The following FBXO39 variants were observed in gnomAD, a reference collection of about 807,000 sequenced individuals.
FBXO39 encodes the protein F-box protein 39, also known as F-box only protein 39.
In FBXO39, 22 loss-of-function variants were observed where a neutral mutation model predicts 36.6. The ratio of observed to expected loss-of-function variants is 0.60; its 90% CI spans 0.43 to 0.86. The LOEUF is 0.86. Among genes scored for constraint, FBXO39 ranks in the 40% least tolerant of loss-of-function variants. The probability of loss-of-function intolerance (pLI) is 0.00; values close to 1 mark genes in which losing one functional copy is unlikely to be tolerated. For missense variants in FBXO39, 536 were observed against 543.9 expected (o/e 0.99, Z 0.14); for synonymous variants, 206 against 205.8 (o/e 1.00, Z -0.01).
chr17:6,779,160 G>A (rs1010188279), intron 1 of FBXO39, among the ~76,000 whole-genome samples: 2 of 152,104 alleles, frequency 1.3e-5, no homozygotes, highest in Admixed American at 6.5e-5. Context: ...TTGGGGAAAG[G>A]GGAAGTGGGA....
chr17:6,776,885 A>G (rs1012960029), intron 1 of FBXO39, among the ~76,000 whole-genome samples: 1 of 151,836 alleles, frequency 6.6e-6, no homozygotes, highest in Non-Finnish European at 1.5e-5. Context: ...CATAGCTAGG[A>G]TGCAGCCCAC....
chr17:6,780,874 T>A lies in FBXO39; in HGVS notation c.1006T>A (p.Phe336Ile). The A allele has an allele frequency of 6.2e-7, 1 of 1,612,096 alleles. No individual in the cohort carries two copies. The highest frequency in any genetic ancestry group is 1.1e-5 in the South Asian group (1 of 91,030). ...RPTLIDLLPT[F>I]RHTLQKLTCE... ...CACTCTGATAGATCTCCTGCCCACC[T>A]TCCGGCACACTCTGCAGGTAGGTAG... is the stretch of plus-strand genomic sequence containing the variant. The change falls in exon 2 of 4, where the codon TTC (phenylalanine) becomes ATC (isoleucine). Residue 336 changes from phenylalanine (F) to isoleucine (I), a missense_variant. By Grantham distance (21) the Phe-to-Ile change is conservative (BLOSUM62 0). Transcript: ENST00000321535.
chr17:6,786,970 A>G lies in FBXO39; in HGVS notation c.1200+14A>G. On this transcript the variant is annotated intron_variant, in intron 3 of 3. Coordinates refer to ENST00000321535, the MANE Select transcript of FBXO39 (RefSeq NM_153230.3). ...CGTGTATTCAAGGTAAGAGGTCCCC[A>G]GGCTGGTTCCACGGCGTAGAGTGGG... The G allele has an allele frequency of 6.2e-7, 1 of 1,607,126 alleles. No homozygotes were observed. Among genetic ancestry groups the G allele is most frequent in the Middle Eastern group, 1.7e-4 (1 of 5,940 alleles).
At position 6,787,383 on chromosome 17, in the gene FBXO39, C is replaced by T. The variant is rs777960207; in HGVS notation, c.1284C>T (p.Ile428=). The T allele has an allele frequency of 5.6e-6, 9 of 1,613,990 alleles. 1 individual carries two copies. Among genetic ancestry groups the T allele is most frequent in the South Asian group, 5.5e-5 (5 of 91,054 alleles). The change falls in exon 4 of 4, where the codon ATC becomes ATT. Residue 428 remains isoleucine, a synonymous_variant. Coordinates refer to ENST00000321535, the MANE Select transcript of FBXO39 (RefSeq NM_153230.3). The stretch of plus-strand genomic sequence containing the variant: ...TTTACAGGAAGTACAGAAAGCTGAT[C>T]GAATCAGAGCTTAGCTATTTTGTCA... The part of the protein sequence containing the change: ...QEIYRKYRKL[I]ESELSYFVIV...
At chr17:6,783,953 C>T (rs1490687015) in intron 2 of FBXO39, among the ~76,000 whole-genome samples, 1 of 152,072 alleles carries the variant, frequency 6.6e-6, no homozygotes, top group East Asian at 1.9e-4. Flanking sequence ...GATAAAGACA[C>T]ATCAAAAACA....
chr17:6,787,339 G>C lies in FBXO39; in HGVS notation c.1240G>C (p.Asp414His). The part of the protein sequence containing the change: ...YTNRYETNEE[D>H]KTLQEIYRKY... The stretch of plus-strand genomic sequence containing the variant: ...AAACAGATATGAGACGAATGAAGAG[G>C]ACAAGACCCTGCAGGAAATTTACAG... Residue 414 changes from aspartate to histidine, a missense_variant, in exon 4 of 4, where the codon GAC (aspartate) becomes CAC (histidine). Coordinates refer to ENST00000321535, the MANE Select transcript of FBXO39 (RefSeq NM_153230.3). 6.2e-7 allele frequency: 1 copy of C among 1,613,932 alleles called. No homozygotes were observed. The highest frequency in any genetic ancestry group is 8.5e-7 in the Non-Finnish European group (1 of 1,179,978).
At position 6,779,918 on chromosome 17, in the gene FBXO39, C is replaced by A; in HGVS notation, c.50C>A (p.Ala17Asp). ...CAGCCCCAAGACCAGAGCTGCTGGG[C>A]CTTTCTGCCCGATTTGTGTCTGTGC... Reference protein sequence around the residue: ...LIQPQDQSCWAFLPDLCLCRV... With the variant: ...LIQPQDQSCWDFLPDLCLCRV... The change falls in exon 2 of 4, where the codon GCC becomes GAC. Residue 17 changes from alanine (A) to aspartate (D), a missense_variant. Physicochemically the swap from Ala to Asp is moderately radical, Grantham distance 126 (BLOSUM62 -2). Transcript: ENST00000321535. 3.1e-6 allele frequency: 5 copies of A among 1,614,178 alleles called. No homozygotes were observed. Among genetic ancestry groups the A allele is most frequent in the Non-Finnish European group, 4.2e-6 (5 of 1,180,028 alleles).
At chr17:6,785,164 T>C (rs1054749264) in intron 2 of FBXO39, among the ~76,000 whole-genome samples, 1 of 152,044 alleles carries the variant, frequency 6.6e-6, no homozygotes, top group Non-Finnish European at 1.5e-5. Context: ...TGGAACAGAA[T>C]AGAGAACCCA....
intron 2 of FBXO39, among the ~76,000 whole-genome samples, chr17:6,784,481 T>C (rs1976542262): frequency 6.6e-6 from 1 of 151,396 alleles, no homozygotes; most frequent in Admixed American, 6.6e-5. Flanking sequence ...TGTTTGAAGA[T>C]GATATGATCT....
chr17:6,780,094 G>C lies in FBXO39; in HGVS notation c.226G>C (p.Glu76Gln). The C allele has an allele frequency of 6.2e-7, 1 of 1,614,226 alleles. No homozygotes were observed. The highest frequency in any genetic ancestry group is 8.5e-7 in the Non-Finnish European group (1 of 1,180,040). The change falls in exon 2 of 4, where the codon GAG becomes CAG. Residue 76 changes from glutamate to glutamine, a missense_variant. Coordinates refer to ENST00000321535, the MANE Select transcript of FBXO39 (RefSeq NM_153230.3). ...RPSRVHASEVESAVWYVKKFG... is the reference protein window; with the variant it reads ...RPSRVHASEVQSAVWYVKKFG... ...TTCCAGGGTACATGCATCTGAAGTTGAGTCAGCTGTTTGGTATGTTAAGAA... is the reference window on the plus strand; with the variant it reads ...TTCCAGGGTACATGCATCTGAAGTTCAGTCAGCTGTTTGGTATGTTAAGAA...
chr17:6,782,595 G>A (rs756510068), intron 2 of FBXO39, among the ~76,000 whole-genome samples: 7 of 151,962 alleles, frequency 4.6e-5, no homozygotes, highest in Non-Finnish European at 1.0e-4. Context: ...ATTTAATGCC[G>A]ATGGAAACCA....
intron 2 of FBXO39, among the ~76,000 whole-genome samples, chr17:6,784,537 A>AC (rs1976543356): frequency 1.3e-5 from 2 of 150,756 alleles, no homozygotes; most frequent in Non-Finnish European, 3.0e-5. Context: ...AAAAACAAAA[A>AC]AAACTATCAG....
intron 3 of FBXO39, 61 bp from the exon 4 acceptor site, chr17:6,787,239 T>C (rs995410957): frequency 1.6e-6 from 2 of 1,212,370 alleles, no homozygotes; most frequent in South Asian, 3.1e-5. Flanking sequence ...TGTGTGTGTA[T>C]GTGTGTGTGT....
chr17:6,776,729 C>T (rs58716625), intron 1 of FBXO39, among the ~76,000 whole-genome samples: 8,358 of 152,170 alleles, frequency 0.055, 717 homozygotes, highest in African/African-American at 0.19. Flanking sequence ...ACGTGGCAGG[C>T]ACTCACTGTT....
In FBXO39 at chr17:6,780,096, G is replaced by A; in HGVS notation, c.228G>A (p.Glu76=). ...CCAGGGTACATGCATCTGAAGTTGA[G>A]TCAGCTGTTTGGTATGTTAAGAAGT... ...RPSRVHASEV[E]SAVWYVKKFG... is the part of the protein sequence containing the mutation. The change falls in exon 2 of 4, where the codon GAG becomes GAA. Residue 76 remains glutamate (E), a synonymous_variant. Coordinates refer to ENST00000321535, the MANE Select transcript of FBXO39 (RefSeq NM_153230.3). The A allele has an allele frequency of 1.9e-6, 3 of 1,614,216 alleles. No individual in the cohort carries two copies. The East Asian group carries it at 6.7e-5, about 36-fold the overall frequency.
At chr17:6,786,551 T>G (rs1435251964) in intron 2 of FBXO39, among the ~76,000 whole-genome samples, 1 of 152,216 alleles carries the variant, frequency 6.6e-6, no homozygotes, top group Non-Finnish European at 1.5e-5. Context: ...TCATGGATAC[T>G]CTATTTACCC....
intron 2 of FBXO39, among the ~76,000 whole-genome samples, chr17:6,784,887 T>C (rs1976548305): frequency 6.6e-6 from 1 of 151,040 alleles, no homozygotes; most frequent in South Asian, 2.1e-4. Flanking sequence ...AATGACATTC[T>C]TCACAGAAAT....
chr17:6,780,720 G>A lies in FBXO39; in HGVS notation c.852G>A (p.Lys284=). The change falls in exon 2 of 4, where the codon AAG becomes AAA. Residue 284 remains lysine (K), a synonymous_variant. Coordinates refer to ENST00000321535, the MANE Select transcript of FBXO39 (RefSeq NM_153230.3). Reference sequence around the variant, plus strand: ...TGGCCAGGCAGGCCACCAATCTGAAGGTGAACTTCTTCTTTGAACGGATCA... The same window carrying A: ...TGGCCAGGCAGGCCACCAATCTGAAAGTGAACTTCTTCTTTGAACGGATCA... ...AKLARQATNL[K]VNFFFERIMK... 1.2e-6 allele frequency: 2 copies of A among 1,614,160 alleles called. No individual in the cohort carries two copies. Among genetic ancestry groups the A allele is most frequent in the Non-Finnish European group, 1.7e-6 (2 of 1,180,022 alleles).
chr17:6,778,237 C>T (rs1277703726), intron 1 of FBXO39, among the ~76,000 whole-genome samples: 2 of 152,132 alleles, frequency 1.3e-5, no homozygotes, highest in East Asian at 3.9e-4. Flanking sequence ...AAAAGACACA[C>T]GTCAAACACA....
Sources: allele counts gnomAD v4.1 joint callset (sites outside exome capture counted in the v4.1 genomes callset), GRCh38; gene constraint gnomAD v4.1.1; transcripts MANE v1.5; gene names NCBI Gene and HGNC (gene_info 2026-07-23, HGNC 2026-07-21).